Variants in ABI3BP observed in about 807,000 individuals in gnomAD.
The protein encoded by ABI3BP is ABI family member 3 binding protein.
In ABI3BP, 216 loss-of-function variants were observed where a neutral mutation model predicts 268.6. The ratio of observed to expected loss-of-function variants is 0.80; its 90% CI spans 0.72 to 0.90. The LOEUF is 0.90. Among genes scored for constraint, ABI3BP ranks in the 40% least tolerant of loss-of-function variants. The probability of loss-of-function intolerance (pLI) is 0.00; values close to 1 mark genes in which losing one functional copy is unlikely to be tolerated. For missense variants in ABI3BP, 2,090 were observed against 2,182.4 expected, an observed-to-expected ratio of 0.96 and a Z score of 0.84; for synonymous variants, 730 against 730.0, an observed-to-expected ratio of 1.00 and a Z score of 0.00.
chr3:100,845,843 G>GT (rs2098760423), intron 20 of ABI3BP, among the ~76,000 whole-genome samples: 1 of 132,610 alleles, frequency 7.5e-6, no homozygotes, highest in African/African-American at 2.7e-5. Context: ...TGCAAAAGCA[G>GT]CCTTTTTTTT....
At chr3:100,878,329 A>C (rs146849337) in intron 6 of ABI3BP, among the ~76,000 whole-genome samples, 6 of 152,368 alleles carry the variant, frequency 3.9e-5, no homozygotes, top group African/African-American at 1.4e-4. Context: ...TCCTTAAAAC[A>C]GTATTTATTT....
chr3:100,975,200 A>C (rs1018213723), intron 1 of ABI3BP, among the ~76,000 whole-genome samples: 5 of 152,162 alleles, frequency 3.3e-5, no homozygotes, highest in African/African-American at 1.2e-4. Context: ...ATATTGCAAA[A>C]ATCAAAAATG....
intron 3 of ABI3BP, among the ~76,000 whole-genome samples, chr3:100,899,463 G>A (rs759591606): frequency 1.3e-5 from 2 of 152,128 alleles, no homozygotes; most frequent in Non-Finnish European, 1.5e-5. Context: ...GTATCTAAAT[G>A]GAAAAGGCAA....
chr3:100,914,378 G>A (rs766949058), intron 2 of ABI3BP: 10 of 447,302 alleles, frequency 2.2e-5, no homozygotes, highest in South Asian at 4.8e-5. Context: ...TGCAGTCTGC[G>A]GAACAGGCCC....
chr3:100,822,929 G>T (rs936314139), intron 37 of ABI3BP, among the ~76,000 whole-genome samples: 6 of 152,162 alleles, frequency 3.9e-5, no homozygotes, highest in Admixed American at 3.3e-4. Flanking sequence ...GTACCAAAAA[G>T]GTTAAGTACT....
At chr3:100,851,835 C>T (rs1434326267) in intron 15 of ABI3BP, 40 bp downstream of exon 15, 10 of 1,514,916 alleles carry the variant, frequency 6.6e-6, no homozygotes, top group Non-Finnish European at 8.9e-6. Flanking sequence ...AGTGTTGGAA[C>T]ACCTGGGATC....
chr3:100,879,751 T>A (rs1292155966), intron 6 of ABI3BP, among the ~76,000 whole-genome samples: 1 of 152,204 alleles, frequency 6.6e-6, no homozygotes, highest in African/African-American at 2.4e-5. Context: ...TGCAATTTTT[T>A]TTCTAGGCCT....
intron 65 of ABI3BP, 62 bp from the exon 66 acceptor site, chr3:100,753,010 C>A: frequency 6.7e-7 from 1 of 1,487,182 alleles, no homozygotes. Context: ...TTCAAGAAAT[C>A]AGTTTACAAA....
At position 100,886,150 on chromosome 3, in the gene ABI3BP, A is replaced by G; in HGVS notation, c.635T>C (p.Val212Ala). Reference protein sequence around the residue: ...IWSKIFNHKTVVGSKKVNGKI... With the variant: ...IWSKIFNHKTAVGSKKVNGKI... ...CATTTCTAGGTACTTACTTCCAACA[A>G]CAGTCTTGTGATTGAAAATCTTACT... is the stretch of plus-strand genomic sequence containing the variant. The change falls in exon 5 of 68, where the codon GTT becomes GCT. Residue 212 changes from valine (V) to alanine (A), a missense_variant. Physicochemically the swap from Val to Ala is moderately conservative, Grantham distance 64. Transcript: ENST00000471714. 6.3e-7 allele frequency: 1 copy of G among 1,589,496 alleles called. No individual in the cohort carries two copies. Among genetic ancestry groups the G allele is most frequent in the Non-Finnish European group, 8.5e-7 (1 of 1,169,870 alleles).
chr3:100,806,144 G>A (rs763894571), intron 50 of ABI3BP, among the ~76,000 whole-genome samples: 4 of 151,968 alleles, frequency 2.6e-5, no homozygotes, highest in Non-Finnish European at 5.9e-5. Flanking sequence ...AGATTTAAGC[G>A]TTGCCAATTT....
At chr3:100,896,349 C>A (rs142491250) in intron 4 of ABI3BP, among the ~76,000 whole-genome samples, 2 of 152,192 alleles carry the variant, frequency 1.3e-5, no homozygotes, top group East Asian at 3.9e-4. Context: ...TTCATTATCT[C>A]CGGGTGCTGT....
At chr3:100,768,997 A>C (rs1014257927) in intron 62 of ABI3BP, among the ~76,000 whole-genome samples, 5 of 152,224 alleles carry the variant, frequency 3.3e-5, no homozygotes, top group Non-Finnish European at 5.9e-5. Flanking sequence ...AAAGAAGCCA[A>C]CTCAGGGGGA....
chr3:100,844,737 C>A (rs922630789), intron 20 of ABI3BP, among the ~76,000 whole-genome samples: 12 of 152,282 alleles, frequency 7.9e-5, no homozygotes, highest in African/African-American at 2.9e-4. Context: ...GGGCACAGGC[C>A]TAGGTGTGGA....
intron 2 of ABI3BP, chr3:100,914,441 GC>G (rs779919736): frequency 3.7e-5 from 17 of 455,632 alleles, no homozygotes; most frequent in South Asian, 1.7e-4. Context: ...AGTGCAGCCA[GC>G]CGTACCACAG....
chr3:100,992,712 T>C (rs924271346), intron 1 of ABI3BP, among the ~76,000 whole-genome samples: 3 of 152,316 alleles, frequency 2.0e-5, no homozygotes, highest in Admixed American at 2.0e-4. Context: ...ATACCAACAC[T>C]AAAATGAGAG....
chr3:100,831,132 A>T (rs73135581), intron 31 of ABI3BP, among the ~76,000 whole-genome samples: 22,035 of 152,144 alleles, frequency 0.14, 2,024 homozygotes, highest in South Asian at 0.27. Flanking sequence ...AACACCTTTG[A>T]GTCATCTCTT....
chr3:100,958,385 G>A (rs1364524174), intron 1 of ABI3BP, among the ~76,000 whole-genome samples: 1 of 152,144 alleles, frequency 6.6e-6, no homozygotes, highest in Non-Finnish European at 1.5e-5. Context: ...GTACTTTGAG[G>A]ATATACTTAA....
At chr3:100,928,632 G>C (rs553682435) in intron 1 of ABI3BP, among the ~76,000 whole-genome samples, 1 of 152,114 alleles carries the variant, frequency 6.6e-6, no homozygotes, top group South Asian at 2.1e-4. Context: ...TTGAATCTCA[G>C]ACTGCTATTG....
At chr3:100,845,551 T>C (rs1378249726) in intron 20 of ABI3BP, among the ~76,000 whole-genome samples, 1 of 152,204 alleles carries the variant, frequency 6.6e-6, no homozygotes, top group Non-Finnish European at 1.5e-5. Context: ...TTAATAATCC[T>C]ACTGTGTAAA....
Sources: allele counts gnomAD v4.1 joint callset (sites outside exome capture counted in the v4.1 genomes callset), GRCh38; gene constraint gnomAD v4.1.1; transcripts MANE v1.5; gene names NCBI Gene and HGNC (gene_info 2026-07-23, HGNC 2026-07-21).